DHX57: variants seen among roughly 807,000 people sequenced by gnomAD.
DHX57 encodes DExH-box helicase 57, also known as putative ATP-dependent RNA helicase DHX57.
DHX57 carries 105 observed loss-of-function variants against 156.2 expected under a neutral mutation model. That is an observed-to-expected ratio of 0.67 (90% CI 0.57 to 0.79). DHX57 has a LOEUF of 0.79. Ranked by LOEUF, DHX57 falls within the 30% of genes least tolerant of loss-of-function variation. The pLI is 0.00. For synonymous variants in DHX57, 704 were observed against 595.6 expected, an observed-to-expected ratio of 1.18 and a Z score of -2.65; for missense variants, 1,847 against 1,661.9, an observed-to-expected ratio of 1.11 and a Z score of -1.94.
intron 23 of DHX57, among the ~76,000 whole-genome samples, chr2:38,801,747 A>C (rs1244089054): frequency 6.6e-6 from 1 of 152,084 alleles, no homozygotes; most frequent in African/African-American, 2.4e-5. Flanking sequence ...GACGCCCACT[A>C]CCACACCTGG....
intron 13 of DHX57, among the ~76,000 whole-genome samples, chr2:38,832,802 T>C (rs1287582307): frequency 6.6e-6 from 1 of 151,934 alleles, no homozygotes; most frequent in Non-Finnish European, 1.5e-5. Context: ...CCTCCCAAAG[T>C]GCTGGCATTT....
intron 21 of DHX57, among the ~76,000 whole-genome samples, chr2:38,807,520 G>T (rs922399500): frequency 6.6e-6 from 1 of 150,982 alleles, no homozygotes; most frequent in Non-Finnish European, 1.5e-5. Context: ...GCCACACCCG[G>T]CTAATTTTTT....
intron 13 of DHX57, among the ~76,000 whole-genome samples, chr2:38,832,061 G>C (rs1267715422): frequency 6.6e-6 from 1 of 152,126 alleles, no homozygotes; most frequent in Admixed American, 6.5e-5. Flanking sequence ...CCAGTGAAGT[G>C]ATACTGTATT....
At chr2:38,832,507 T>G (rs557643004) in intron 13 of DHX57, among the ~76,000 whole-genome samples, 15 of 151,410 alleles carry the variant, frequency 9.9e-5, no homozygotes, top group Non-Finnish European at 2.2e-4. Flanking sequence ...TCATTTCTCT[T>G]AAGTTCTTTA....
At chr2:38,838,063 C>T in intron 12 of DHX57, 116 bp from the exon 13 acceptor site, 2 of 699,958 alleles carry the variant, frequency 2.9e-6, no homozygotes. Context: ...GGTTTAATAG[C>T]ACAGATATTA....
chr2:38,870,740 G>A (rs1435886548), intron 1 of DHX57, among the ~76,000 whole-genome samples: 2 of 152,028 alleles, frequency 1.3e-5, no homozygotes, highest in African/African-American at 4.8e-5. Context: ...TTAGCTGGGT[G>A]TGGTGGCACA....
At chr2:38,852,867 C>T (rs1672677090) in intron 9 of DHX57, among the ~76,000 whole-genome samples, 1 of 152,068 alleles carries the variant, frequency 6.6e-6, no homozygotes, top group African/African-American at 2.4e-5. Flanking sequence ...GTGCTTAAGG[C>T]CCTGGAAGGT....
chr2:38,865,144 T>C (rs1664997686), intron 2 of DHX57, among the ~76,000 whole-genome samples: 1 of 152,198 alleles, frequency 6.6e-6, no homozygotes, highest in African/African-American at 2.4e-5. Flanking sequence ...AACTAAAAAT[T>C]TTTATTGACA....
chr2:38,800,227 G>A (rs144823217), intron 23 of DHX57, among the ~76,000 whole-genome samples: 4 of 150,382 alleles, frequency 2.7e-5, no homozygotes, highest in South Asian at 2.1e-4. Flanking sequence ...GGTGGTGTAC[G>A]CCTGCAGTCC....
intron 9 of DHX57, among the ~76,000 whole-genome samples, chr2:38,850,946 G>C (rs1027396623): frequency 4.6e-5 from 7 of 152,014 alleles, no homozygotes; most frequent in African/African-American, 1.7e-4. Context: ...GCCTGGTGGC[G>C]TGCACCTGTA....
chr2:38,819,023 A>T, intron 18 of DHX57, 26 bp downstream of exon 18: 2 of 1,614,048 alleles, frequency 1.2e-6, no homozygotes, highest in South Asian at 2.2e-5. Context: ...TGGTAATAAA[A>T]CTAAGCTATT....
rs1671223293 is a variant in DHX57, at chr2:38,828,519, ATAAATGAAG to A, written c.2543-92_2543-84del. The A allele has an allele frequency of 1.1e-5, 10 of 924,112 alleles. No homozygotes were observed. The East Asian group carries it at 2.6e-4, about 24-fold the overall frequency. 57.2% of individuals were successfully genotyped at this position (924,112 alleles called of 1,614,324 possible). A position where few individuals can be genotyped will look rare whatever the true frequency, so the allele number is the denominator to read the frequency against. ...AAAAATTTTTTTAAAAAAGAATATG[ATAAATGAAG>A]TAAATGAAAAACTAATATAGATTAT... On this transcript the variant is annotated intron_variant, in intron 13 of 23. Transcript: ENST00000457308.
At position 38,875,721 on chromosome 2, in the gene DHX57, A is replaced by T. The variant is rs563777602; in HGVS notation, c.-7+66T>A. ...AGCAGGAGGCGGCAGACACACTGAC[A>T]AACAGGGTGACGCGCACACCGTGCG... On this transcript the variant is annotated intron_variant, in intron 1 of 23. Transcript: ENST00000457308. 1.9e-5 allele frequency: 5 copies of T among 258,636 alleles called. No individual in the cohort carries two copies. The East Asian group carries it at 3.5e-4, about 18-fold the overall frequency. 16.0% of individuals were successfully genotyped at this position (258,636 alleles called of 1,614,324 possible).
At chr2:38,864,778 A>AT (rs1664971244) in intron 2 of DHX57, among the ~76,000 whole-genome samples, 1 of 152,094 alleles carries the variant, frequency 6.6e-6, no homozygotes, top group South Asian at 2.1e-4. Flanking sequence ...AAAACTTCTC[A>AT]TTTAGGTTAT....
intron 10 of DHX57, among the ~76,000 whole-genome samples, chr2:38,847,822 A>G (rs1273072869): frequency 2.6e-5 from 4 of 151,982 alleles, no homozygotes; most frequent in African/African-American, 9.7e-5. Flanking sequence ...AGTGGCTCAC[A>G]CCTGTAATCC....
chr2:38,821,336 A>T (rs1670804171), intron 17 of DHX57, among the ~76,000 whole-genome samples: 1 of 152,178 alleles, frequency 6.6e-6, no homozygotes, highest in Admixed American at 6.5e-5. Context: ...CCTTAAGTAA[A>T]CAGAAGGAAG....
chr2:38,812,885 T>C (rs2148542835), intron 21 of DHX57, among the ~76,000 whole-genome samples: 1 of 131,744 alleles, frequency 7.6e-6, no homozygotes, highest in South Asian at 2.5e-4. Context: ...TCTCGGTCTG[T>C]GGCCCAGGCT....
Position 38,813,700 on chromosome 2 carries a change from TG to T in DHX57, c.3681+120del. On this transcript the variant is annotated intron_variant, in intron 21 of 23. Transcript: ENST00000457308. ...AATGTATACTAAGTTTAAAAGGGTG[TG>T]CGTGTGTGCACACATGCGTATATAT... The T allele has an allele frequency of 2.7e-6, 3 of 1,128,200 alleles. No individual in the cohort carries two copies. The South Asian group carries it at 4.0e-5, about 15-fold the overall frequency. 69.9% of individuals were successfully genotyped at this position (1,128,200 alleles called of 1,614,324 possible).
intron 13 of DHX57, among the ~76,000 whole-genome samples, chr2:38,836,321 C>T (rs920235802): frequency 3.9e-5 from 6 of 152,298 alleles, no homozygotes; most frequent in Middle Eastern, 3.4e-3. Flanking sequence ...CAAGAGGAAT[C>T]CCTCCTCTTC....
Sources: allele counts gnomAD v4.1 joint callset (sites outside exome capture counted in the v4.1 genomes callset), GRCh38; gene constraint gnomAD v4.1.1; transcripts MANE v1.5; gene names NCBI Gene and HGNC (gene_info 2026-07-23, HGNC 2026-07-21).